Variants in FTO observed in about 807,000 individuals in gnomAD.
FTO encodes alpha-ketoglutarate-dependent dioxygenase FTO.
FTO carries 47 observed loss-of-function variants against 63.9 expected under a neutral mutation model. The ratio of observed to expected loss-of-function variants is 0.74; its 90% confidence interval spans 0.58 to 0.94. The LOEUF (loss-of-function observed/expected upper bound fraction) is 0.94. Ranked by LOEUF, FTO falls within the 40% of genes least tolerant of loss-of-function variation. The pLI is 0.00. For synonymous variants in FTO, 207 were observed against 224.4 expected (o/e 0.92, Z 0.69); for missense variants, 562 against 618.1 (o/e 0.91, Z 0.96).
intron 1 of FTO, among the ~76,000 whole-genome samples, chr16:53,739,187 A>C (rs2076464874): frequency 6.8e-6 from 1 of 147,656 alleles, no homozygotes; most frequent in African/African-American, 2.5e-5. Flanking sequence ...CCAAAGAAAA[A>C]TATTCTTACT....
At chr16:53,924,223 T>G (rs1268461230) in intron 7 of FTO, among the ~76,000 whole-genome samples, 2 of 152,210 alleles carry the variant, frequency 1.3e-5, no homozygotes, top group East Asian at 3.9e-4. Context: ...TTTCATTTAC[T>G]CTTCACAAGA....
chr16:53,927,833 A>G (rs894916541), intron 7 of FTO, among the ~76,000 whole-genome samples: 12 of 152,330 alleles, frequency 7.9e-5, no homozygotes, highest in African/African-American at 2.6e-4. Context: ...ATGCAAAAAG[A>G]TATGCCTCTG....
chr16:53,742,906 CAG>C (rs371612745), intron 1 of FTO, among the ~76,000 whole-genome samples: 33 of 152,242 alleles, frequency 2.2e-4, no homozygotes, highest in African/African-American at 7.5e-4. Context: ...CAGATGGGGA[CAG>C]GGGTAACTGG....
chr16:53,901,588 C>T lies in FTO; in HGVS notation c.1239+12637C>T, dbSNP rs193090249. ...CCTCTCCACTCCTTGGCTAACAGTC[C>T]CACATTAGTGATTGTGCACTCTCTG... On this transcript the variant is annotated intron_variant, in intron 7 of 8. Coordinates refer to ENST00000471389, the MANE Select transcript of FTO (RefSeq NM_001080432.3). Among the ~76,000 whole-genome samples, 177 of 152,246 alleles carry T rather than the reference C, an allele frequency of 1.2e-3. 1 individual carries two copies. Among genetic ancestry groups the T allele is most frequent in the African/African-American group, 3.9e-3 (160 of 41,550 alleles).
chr16:54,080,534 TG>T (rs1170984431), intron 8 of FTO, among the ~76,000 whole-genome samples: 1 of 152,222 alleles, frequency 6.6e-6, no homozygotes, highest in Non-Finnish European at 1.5e-5. Context: ...AAGCCTCTCT[TG>T]AACTGAGCCT....
At chr16:53,961,408 C>G (rs1599096208) in intron 8 of FTO, among the ~76,000 whole-genome samples, 1 of 152,336 alleles carries the variant, frequency 6.6e-6, no homozygotes. Flanking sequence ...ACACTTGATC[C>G]TAGCTGTTGA....
At chr16:54,083,785 C>CG (rs1391083687) in intron 8 of FTO, among the ~76,000 whole-genome samples, 1 of 152,066 alleles carries the variant, frequency 6.6e-6, no homozygotes, top group Non-Finnish European at 1.5e-5. Flanking sequence ...GGAAAGTTTG[C>CG]GGGGGCTGGC....
At chr16:53,830,963 A>G (rs1451946036) in intron 3 of FTO, among the ~76,000 whole-genome samples, 1 of 152,138 alleles carries the variant, frequency 6.6e-6, no homozygotes, top group East Asian at 1.9e-4. Flanking sequence ...AAACCGATCC[A>G]TGTTTCCTGT....
intron 1 of FTO, among the ~76,000 whole-genome samples, chr16:53,712,371 T>C (rs903407199): frequency 2.6e-5 from 4 of 152,312 alleles, no homozygotes; most frequent in Middle Eastern, 3.4e-3. Flanking sequence ...TTTTTTTCCT[T>C]CTTCCCGAAA....
At chr16:53,852,152 C>T (rs1042149485) in intron 4 of FTO, among the ~76,000 whole-genome samples, 7 of 145,842 alleles carry the variant, frequency 4.8e-5, no homozygotes, top group Non-Finnish European at 7.4e-5. Flanking sequence ...GGCAAACACC[C>T]GTGGTCACAA....
At chr16:53,839,819 A>AT (rs201252670) in intron 3 of FTO, among the ~76,000 whole-genome samples, 45 of 55,434 alleles carry the variant, frequency 8.1e-4, no homozygotes, top group African/African-American at 2.4e-3. Flanking sequence ...TTATTTATTT[A>AT]TTTTAAGGTG....
At chr16:53,887,076 A>T (rs996073064) in intron 6 of FTO, 1 of 152,224 alleles carries the variant, frequency 6.6e-6, no homozygotes, top group African/African-American at 2.4e-5. Context: ...TCAGCCTCTC[A>T]TCTAAATATG....
chr16:53,942,608 T>C (rs551885634), intron 8 of FTO, among the ~76,000 whole-genome samples: 2 of 152,342 alleles, frequency 1.3e-5, no homozygotes, highest in African/African-American at 4.8e-5. Flanking sequence ...GCAGCTGTTT[T>C]TTCCTGGTCA....
intron 8 of FTO, among the ~76,000 whole-genome samples, chr16:54,001,969 T>G (rs1005287975): frequency 2.6e-5 from 4 of 152,162 alleles, no homozygotes; most frequent in Non-Finnish European, 4.4e-5. Flanking sequence ...GGCCAGATGA[T>G]TAGTCACATT....
chr16:53,739,501 A>T (rs1477420280), intron 1 of FTO, among the ~76,000 whole-genome samples: 2 of 151,918 alleles, frequency 1.3e-5, no homozygotes, highest in Non-Finnish European at 2.9e-5. Context: ...GGTGTGAGCC[A>T]CTGTGCCTGG....
At chr16:54,041,030 C>A (rs2144274657) in intron 8 of FTO, among the ~76,000 whole-genome samples, 1 of 152,310 alleles carries the variant, frequency 6.6e-6, no homozygotes, top group South Asian at 2.1e-4. Context: ...AAGCACTATT[C>A]TCCTTAAATT....
chr16:53,898,244 C>G (rs141821564), intron 7 of FTO, among the ~76,000 whole-genome samples: 330 of 152,282 alleles, frequency 2.2e-3, no homozygotes, highest in Non-Finnish European at 3.8e-3. Flanking sequence ...CTTACTATGT[C>G]TAGAACATGC....
intron 7 of FTO, chr16:53,911,234 GGAGT>G (rs1598970417): frequency 3.3e-6 from 2 of 609,608 alleles, no homozygotes; most frequent in East Asian, 2.8e-5. Flanking sequence ...CTGAGCGATT[GGAGT>G]GAGTAAGAGA....
intron 1 of FTO, among the ~76,000 whole-genome samples, chr16:53,705,919 A>G (rs1286142566): frequency 2.0e-5 from 3 of 152,206 alleles, no homozygotes; most frequent in African/African-American, 7.2e-5. Context: ...CTCTTACTCT[A>G]TTGAAACCAT....
Sources: gnomAD v4.1 joint callset for allele counts (sites outside exome capture counted in the v4.1 genomes callset) on GRCh38, gnomAD v4.1.1 for gene constraint, MANE v1.5 for transcripts, NCBI Gene and HGNC (gene_info 2026-07-23, HGNC 2026-07-21) for gene names.